ZBTB44: variants seen among roughly 807,000 people sequenced by gnomAD.
ZBTB44 encodes the protein zinc finger and BTB domain-containing protein 44.
In ZBTB44, 15 loss-of-function variants were observed where a neutral mutation model predicts 54.0. The observed-to-expected ratio is 0.28, with a 90% confidence interval of 0.19 to 0.43. ZBTB44 has a LOEUF of 0.43. ZBTB44 is among the 20% of genes least tolerant of loss of function. The pLI, the probability that ZBTB44 is intolerant of heterozygous loss-of-function variation, is 1.00. For synonymous variants in ZBTB44, 230 were observed against 250.1 expected, an observed-to-expected ratio of 0.92 and a Z score of 0.76; for missense variants, 487 against 707.1, an observed-to-expected ratio of 0.69 and a Z score of 3.53.
intron 2 of ZBTB44, among the ~76,000 whole-genome samples, chr11:130,260,442 C>T (rs1938779511): frequency 6.6e-6 from 1 of 152,172 alleles, no homozygotes; most frequent in African/African-American, 2.4e-5. Flanking sequence ...TTTGATAGTT[C>T]ACTGTAATCA....
chr11:130,253,731 C>T (rs1049866202), intron 2 of ZBTB44, among the ~76,000 whole-genome samples: 2 of 152,044 alleles, frequency 1.3e-5, no homozygotes, highest in Non-Finnish European at 2.9e-5. Context: ...TTAAAGTTCA[C>T]ATGGAACCAA....
chr11:130,263,384 T>C (rs897190118), intron 1 of ZBTB44, among the ~76,000 whole-genome samples: 1 of 152,178 alleles, frequency 6.6e-6, no homozygotes, highest in Non-Finnish European at 1.5e-5. Flanking sequence ...GGGAGGGCTA[T>C]ATATAAAGCG....
At chr11:130,280,901 A>T (rs1418626955) in intron 1 of ZBTB44, among the ~76,000 whole-genome samples, 1 of 152,102 alleles carries the variant, frequency 6.6e-6, no homozygotes, top group Non-Finnish European at 1.5e-5. Flanking sequence ...ATAATGTTTA[A>T]TAGGATTGGT....
chr11:130,237,465 T>C (rs903710698), intron 4 of ZBTB44, among the ~76,000 whole-genome samples: 2 of 152,208 alleles, frequency 1.3e-5, no homozygotes, highest in Non-Finnish European at 1.5e-5. Flanking sequence ...GAGGTTTACA[T>C]TGAACGGATA....
Position 130,228,626 on chromosome 11 carries a change from TTAA to T in ZBTB44, c.*3135_*3137del, listed in dbSNP as rs1953767143. Reference sequence around the variant, plus strand: ...TAAGAGGAGAGATGACAGGGCTCCCTTAAAGCAGGAAGATTTATCCTTCCTCAG... The same window carrying T: ...TAAGAGGAGAGATGACAGGGCTCCCTAGCAGGAAGATTTATCCTTCCTCAG... On this transcript the variant is annotated 3_prime_UTR_variant, in exon 8 of 8. Coordinates refer to ENST00000357899, the MANE Select transcript of ZBTB44 (RefSeq NM_001301098.2). The T allele has an allele frequency of 6.6e-6, 1 of 152,198 alleles. No homozygotes were observed. Among genetic ancestry groups the T allele is most frequent in the Admixed American group, 6.5e-5 (1 of 15,282 alleles). 9.4% of individuals were successfully genotyped at this position (152,198 alleles called of 1,614,324 possible). A position where few individuals can be genotyped will look rare whatever the true frequency, so the allele number is the denominator to read the frequency against.
intron 2 of ZBTB44, among the ~76,000 whole-genome samples, chr11:130,247,954 A>T (rs1937661941): frequency 6.6e-6 from 1 of 152,200 alleles, no homozygotes; most frequent in Non-Finnish European, 1.5e-5. Flanking sequence ...CTGCAAGTTG[A>T]TACTGAATTT....
Position 130,267,659 on chromosome 11 carries a change from A to G in ZBTB44, c.-56-5730T>C, listed in dbSNP as rs550366548. On this transcript the variant is annotated intron_variant, in intron 1 of 7. Coordinates refer to ENST00000357899, the MANE Select transcript of ZBTB44 (RefSeq NM_001301098.2). The stretch of plus-strand genomic sequence containing the variant: ...CTCGAACTCCTGGCCTCAGCATTGC[A>G]AAGTGCTGAGATTACAGGTTTGAAC... Among the ~76,000 whole-genome samples the G allele has an allele frequency of 6.6e-5, 10 of 152,202 alleles. No homozygotes were observed. The East Asian group carries it at 1.9e-3, about 30-fold the overall frequency.
chr11:130,297,954 A>G (rs1941751781), intron 1 of ZBTB44, among the ~76,000 whole-genome samples: 1 of 152,350 alleles, frequency 6.6e-6, no homozygotes, highest in African/African-American at 2.4e-5. Context: ...ATAAAAAAAG[A>G]CAGATATGGA....
chr11:130,241,726 C>T (rs1332330903), intron 2 of ZBTB44, among the ~76,000 whole-genome samples: 1 of 151,900 alleles, frequency 6.6e-6, no homozygotes, highest in Admixed American at 6.6e-5. Flanking sequence ...ATCCTTTTCT[C>T]ATTGTTATGG....
In ZBTB44 at chr11:130,227,849, T is replaced by C. The variant is rs532138036; in HGVS notation, c.*3915A>G. On this transcript the variant is annotated 3_prime_UTR_variant, in exon 8 of 8. Transcript: ENST00000357899. ...CTTCTATCACTTAATTCTGGTCTTATTACCTCAGTCTGACTTTCTCATTAT... is the reference window on the plus strand; with the variant it reads ...CTTCTATCACTTAATTCTGGTCTTACTACCTCAGTCTGACTTTCTCATTAT... The C allele has an allele frequency of 1.1e-4, 16 of 152,308 alleles. No homozygotes were observed. The highest frequency in any genetic ancestry group is 3.1e-4 in the African/African-American group (13 of 41,584). 9.4% of individuals were successfully genotyped at this position (152,308 alleles called of 1,614,324 possible).
intron 1 of ZBTB44, among the ~76,000 whole-genome samples, chr11:130,288,673 A>G (rs569069382): frequency 8.6e-5 from 13 of 151,588 alleles, no homozygotes; most frequent in Non-Finnish European, 1.3e-4. Context: ...CGAGGCAGGC[A>G]GATCACCTGA....
At chr11:130,296,316 A>G (rs1316331765) in intron 1 of ZBTB44, 1 of 1,518,622 alleles carries the variant, frequency 6.6e-7, no homozygotes, top group African/African-American at 1.4e-5. Flanking sequence ...CCTTAAGAAG[A>G]ACCGAAAGAA....
At chr11:130,250,566 A>G (rs1341559634) in intron 2 of ZBTB44, among the ~76,000 whole-genome samples, 1 of 152,224 alleles carries the variant, frequency 6.6e-6, no homozygotes, top group Non-Finnish European at 1.5e-5. Context: ...TCTGGGATGA[A>G]GCATCCAGAG....
chr11:130,250,595 C>T (rs1459295031), intron 2 of ZBTB44, among the ~76,000 whole-genome samples: 1 of 152,166 alleles, frequency 6.6e-6, no homozygotes, highest in Non-Finnish European at 1.5e-5. Flanking sequence ...AGGCAGCAAT[C>T]TTTGCTGTTC....
At position 130,230,327 on chromosome 11, in the gene ZBTB44, G is replaced by A. The variant is rs957617421; in HGVS notation, c.*1437C>T. 2.0e-5 allele frequency: 3 copies of A among 150,848 alleles called. No individual in the cohort carries two copies. The highest frequency in any genetic ancestry group is 4.4e-5 in the Non-Finnish European group (3 of 67,644). The allele number at this position is 150,848 out of a possible 1,614,324, so 9.3% of individuals were successfully genotyped here. A position where few individuals can be genotyped will look rare whatever the true frequency, so the allele number is the denominator to read the frequency against. ...GTCTCCTGAACCAGCCTATTAGTTA[G>A]AAGGTAACTGAGTTACCAATAATTA... On this transcript the variant is annotated 3_prime_UTR_variant, in exon 8 of 8. Coordinates refer to ENST00000357899, the MANE Select transcript of ZBTB44 (RefSeq NM_001301098.2).
At chr11:130,241,783 T>G (rs1225301035) in intron 2 of ZBTB44, among the ~76,000 whole-genome samples, 2 of 152,236 alleles carry the variant, frequency 1.3e-5, no homozygotes, top group African/African-American at 2.4e-5. Context: ...TGAAATTATC[T>G]TATGAAAAGT....
intron 1 of ZBTB44, among the ~76,000 whole-genome samples, chr11:130,283,746 A>C (rs1209566541): frequency 1.3e-5 from 2 of 151,510 alleles, no homozygotes; most frequent in Non-Finnish European, 2.9e-5. Flanking sequence ...TGGGTGGATC[A>C]CCTGAGGTCA....
At chr11:130,278,987 T>C (rs959584882) in intron 1 of ZBTB44, among the ~76,000 whole-genome samples, 3 of 152,160 alleles carry the variant, frequency 2.0e-5, no homozygotes, top group African/African-American at 7.2e-5. Flanking sequence ...ATTTCTTTTT[T>C]CTCTGCATGC....
chr11:130,263,980 C>A (rs1353544003), intron 1 of ZBTB44, among the ~76,000 whole-genome samples: 1 of 152,152 alleles, frequency 6.6e-6, no homozygotes, highest in African/African-American at 2.4e-5. Flanking sequence ...TACTATCTCC[C>A]AACAGTATAT....
Sources: gnomAD v4.1 joint callset for allele counts (sites outside exome capture counted in the v4.1 genomes callset) on GRCh38, gnomAD v4.1.1 for gene constraint, MANE v1.5 for transcripts, NCBI Gene and HGNC (gene_info 2026-07-23, HGNC 2026-07-21) for gene names.